AJAP1: variants seen among roughly 807,000 people sequenced by gnomAD.
AJAP1 encodes the protein adherens junction-associated protein 1.
A neutral mutation model predicts 35.0 loss-of-function variants in AJAP1; 5 were observed. The observed-to-expected ratio is 0.14, with a 90% CI of 0.07 to 0.30. The LOEUF is 0.30. Ranked by LOEUF, AJAP1 falls within the 10% of genes least tolerant of loss-of-function variation. The probability of loss-of-function intolerance (pLI) is 1.00; values close to 1 mark genes in which losing one functional copy is unlikely to be tolerated. For synonymous variants in AJAP1, 284 were observed against 249.3 expected, an observed-to-expected ratio of 1.14 and a Z score of -1.31; for missense variants, 586 against 571.0, an observed-to-expected ratio of 1.03 and a Z score of -0.27.
intron 1 of AJAP1, among the ~76,000 whole-genome samples, chr1:4,673,595 C>A (rs1354667684): frequency 2.6e-5 from 4 of 152,138 alleles, no homozygotes; most frequent in African/African-American, 7.2e-5. Context: ...TTCCTTCCTG[C>A]ACTTTGTATT....
At chr1:4,781,734 TC>T (rs1642067357) in intron 5 of AJAP1, among the ~76,000 whole-genome samples, 1 of 152,116 alleles carries the variant, frequency 6.6e-6, no homozygotes, top group Non-Finnish European at 1.5e-5. Context: ...GGGCAGAAGG[TC>T]CCCAGATGGG....
At chr1:4,769,580 C>T (rs1443609988) in intron 2 of AJAP1, among the ~76,000 whole-genome samples, 3 of 152,180 alleles carry the variant, frequency 2.0e-5, no homozygotes, top group East Asian at 1.9e-4. Context: ...ATCCAGGTCA[C>T]GGCTTGGAGA....
chr1:4,685,498 A>C (rs1639584850), intron 1 of AJAP1, among the ~76,000 whole-genome samples: 1 of 152,132 alleles, frequency 6.6e-6, no homozygotes, highest in African/African-American at 2.4e-5. Context: ...TTTATTTGCA[A>C]ATGGTCTGCA....
At chr1:4,696,457 C>T (rs955838329) in intron 1 of AJAP1, among the ~76,000 whole-genome samples, 3 of 152,204 alleles carry the variant, frequency 2.0e-5, no homozygotes, top group African/African-American at 7.2e-5. Context: ...TATGCTGTGT[C>T]CCTTTGGGAA....
chr1:4,673,713 G>A (rs563855160), intron 1 of AJAP1, among the ~76,000 whole-genome samples: 2 of 152,160 alleles, frequency 1.3e-5, no homozygotes, highest in South Asian at 4.1e-4. Context: ...TTGTGTCTCT[G>A]GAATTGGCCA....
At chr1:4,659,393 G>A (rs1199393285) in intron 1 of AJAP1, among the ~76,000 whole-genome samples, 1 of 152,186 alleles carries the variant, frequency 6.6e-6, no homozygotes, top group Non-Finnish European at 1.5e-5. Flanking sequence ...TCTGGGGCTA[G>A]AGCAGGCAAA....
At chr1:4,730,884 ACT>A (rs1640781449) in intron 2 of AJAP1, among the ~76,000 whole-genome samples, 2 of 151,744 alleles carry the variant, frequency 1.3e-5, no homozygotes, top group Admixed American at 1.3e-4. Flanking sequence ...GCTGGATCAA[ACT>A]CTGCCTGCAG....
chr1:4,726,389 G>A (rs778163260), intron 2 of AJAP1, among the ~76,000 whole-genome samples: 33 of 152,298 alleles, frequency 2.2e-4, no homozygotes, highest in East Asian at 7.7e-4. Context: ...GAATAATGGC[G>A]TAATTTAGGG....
intron 2 of AJAP1, among the ~76,000 whole-genome samples, chr1:4,714,629 G>A (rs1189161085): frequency 6.6e-6 from 1 of 152,202 alleles, no homozygotes; most frequent in Non-Finnish European, 1.5e-5. Flanking sequence ...AGCGATTTAT[G>A]GTTCTTCATA....
Position 4,792,165 on chromosome 1 carries a change from C to T in AJAP1, c.*9680C>T, listed in dbSNP as rs754369212. On this transcript the variant is annotated 3_prime_UTR_variant, in exon 6 of 6. Coordinates refer to ENST00000378191, the MANE Select transcript of AJAP1 (RefSeq NM_018836.4). ...TTTTTCAAAAGGAAAACAAAAGCCT[C>T]TCTGTTTTCATGTTCTCCGTATATC... is the stretch of plus-strand genomic sequence containing the variant. 6.6e-6 allele frequency: 1 copy of T among 152,106 alleles called. No homozygotes were observed. Among genetic ancestry groups the T allele is most frequent in the Non-Finnish European group, 1.5e-5 (1 of 68,028 alleles). The allele number at this position is 152,106 out of a possible 1,614,324, so 9.4% of individuals were successfully genotyped here. A position where few individuals can be genotyped will look rare whatever the true frequency, so the allele number is the denominator to read the frequency against.
Position 4,782,281 on chromosome 1 carries a change from A to C in AJAP1, c.*60-264A>C, listed in dbSNP as rs150497067. Reference sequence around the variant, plus strand: ...TGGTAGCAAGCTCAGAGCTCTGTAGATGACCAGAATTCCACAAGGTTCAGG... The same window carrying C: ...TGGTAGCAAGCTCAGAGCTCTGTAGCTGACCAGAATTCCACAAGGTTCAGG... On this transcript the variant is annotated intron_variant, in intron 5 of 5. Coordinates refer to ENST00000378191, the MANE Select transcript of AJAP1 (RefSeq NM_018836.4). This position sits in a 1 kb window ranked among gnomAD's most constrained non-coding sequence, Gnocchi z 5.3. 8.5e-5 allele frequency among the ~76,000 whole-genome samples: 13 copies of C among 152,268 alleles called. No individual in the cohort carries two copies. In the East Asian group the frequency reaches 2.5e-3, roughly 30 times the overall value.
chr1:4,664,245 A>G (rs961485980), intron 1 of AJAP1, among the ~76,000 whole-genome samples: 5 of 152,154 alleles, frequency 3.3e-5, no homozygotes, highest in African/African-American at 1.2e-4. Context: ...AGTCTAGAAG[A>G]ACACTTTGGA....
intron 5 of AJAP1, among the ~76,000 whole-genome samples, chr1:4,777,992 G>A (rs41266225): frequency 4.6e-5 from 7 of 152,126 alleles, no homozygotes; most frequent in Non-Finnish European, 8.8e-5. Context: ...TCTGCCCCGG[G>A]GACACCTGGC....
At chr1:4,719,039 A>G (rs1475925491) in intron 2 of AJAP1, among the ~76,000 whole-genome samples, 2 of 152,038 alleles carry the variant, frequency 1.3e-5, no homozygotes, top group Admixed American at 1.3e-4. Context: ...ATGTCACAAA[A>G]CCCTGGACTG....
chr1:4,712,260 C>T lies in AJAP1; in HGVS notation c.390C>T (p.Leu130=), dbSNP rs1358386842. The T allele has an allele frequency of 5.2e-6, 8 of 1,525,904 alleles. No individual in the cohort carries two copies. Among genetic ancestry groups the T allele is most frequent in the East Asian group, 2.3e-5 (1 of 43,394 alleles). 94.5% of individuals were successfully genotyped at this position (1,525,904 alleles called of 1,614,324 possible). Residue 130 remains leucine, a synonymous_variant, in exon 2 of 6, where the codon CTC becomes CTT. Coordinates refer to ENST00000378191, the MANE Select transcript of AJAP1 (RefSeq NM_018836.4). The part of the protein sequence containing the change: ...PPAAAKSSPS[L]ASSSSSSSSA... ...CTGCTGCCAAATCCAGCCCTTCCCTCGCCTCTTCGTCCTCGTCCTCGTCCT... is the reference window on the plus strand; with the variant it reads ...CTGCTGCCAAATCCAGCCCTTCCCTTGCCTCTTCGTCCTCGTCCTCGTCCT...
At chr1:4,713,484 C>T (rs540417156) in intron 2 of AJAP1, among the ~76,000 whole-genome samples, 84 of 152,340 alleles carry the variant, frequency 5.5e-4, no homozygotes, top group Admixed American at 1.7e-3. Flanking sequence ...TCCTCCTATA[C>T]GCTGTCCTCC....
chr1:4,711,362 C>T (rs181431883), intron 1 of AJAP1, among the ~76,000 whole-genome samples: 121 of 152,188 alleles, frequency 8.0e-4, no homozygotes, highest in African/African-American at 2.7e-3. Context: ...TTGAAACCTC[C>T]GCTCCTCCTA....
chr1:4,676,573 G>A (rs116819981), intron 1 of AJAP1, among the ~76,000 whole-genome samples: 1,610 of 152,274 alleles, frequency 0.011, 26 homozygotes, highest in African/African-American at 0.037. Flanking sequence ...CTGAGAGAGA[G>A]GGGCCGTTCC....
intron 2 of AJAP1, among the ~76,000 whole-genome samples, chr1:4,756,920 C>T (rs1337288691): frequency 6.6e-6 from 1 of 152,148 alleles, no homozygotes; most frequent in Non-Finnish European, 1.5e-5. Flanking sequence ...GAACCTCAGG[C>T]TGCCCCTAGC....
Sources: allele counts gnomAD v4.1 joint callset (sites outside exome capture counted in the v4.1 genomes callset), GRCh38; gene constraint gnomAD v4.1.1; non-coding constraint Gnocchi (gnomAD v3.1); transcripts MANE v1.5; gene names NCBI Gene and HGNC (gene_info 2026-07-23, HGNC 2026-07-21).